SIPA1L1: variants seen among roughly 807,000 people sequenced by gnomAD.
SIPA1L1 encodes the protein signal induced proliferation associated 1 like 1, also known as signal-induced proliferation-associated 1-like protein 1.
Under a neutral mutation model 162.7 loss-of-function variants are expected in SIPA1L1, and 26 were observed. The ratio of observed to expected loss-of-function variants is 0.16; its 90% CI spans 0.12 to 0.22. SIPA1L1 has a LOEUF of 0.22. SIPA1L1 is among the 10% of genes least tolerant of loss of function. The pLI is 1.00. For missense variants in SIPA1L1, 1,874 were observed against 2,241.0 expected, an observed-to-expected ratio of 0.84 and a Z score of 3.31; for synonymous variants, 829 against 837.4, an observed-to-expected ratio of 0.99 and a Z score of 0.17.
At chr14:71,489,795 T>C (rs914692383) in intron 2 of SIPA1L1, among the ~76,000 whole-genome samples, 1 of 152,170 alleles carries the variant, frequency 6.6e-6, no homozygotes, top group Admixed American at 6.5e-5. Context: ...TTCAAAGCTG[T>C]CCTGGGCTGC....
chr14:71,518,639 G>A (rs1432178283), intron 3 of SIPA1L1, among the ~76,000 whole-genome samples: 1 of 151,862 alleles, frequency 6.6e-6, no homozygotes, highest in African/African-American at 2.4e-5. Context: ...ATTGGAATTT[G>A]TCGAGTTTTT....
Position 71,557,938 on chromosome 14 carries a change from G to A in SIPA1L1, c.-303+28568G>A, listed in dbSNP as rs146994002. ...AAAATGAATATTGCTAACTTACATC[G>A]TAGGTAATTATTAAGTGTTGGTTTG... On this transcript the variant is annotated intron_variant, in intron 4 of 23. Coordinates refer to ENST00000381232, the MANE Select transcript of SIPA1L1 (RefSeq NM_001386936.1). 2.4e-3 allele frequency among the ~76,000 whole-genome samples: 365 copies of A among 152,206 alleles called. 3 individuals are homozygous for A. The highest frequency in any genetic ancestry group is 8.4e-3 in the African/African-American group (348 of 41,536).
chr14:71,475,242 A>G (rs376007283), intron 2 of SIPA1L1, among the ~76,000 whole-genome samples: 1 of 152,204 alleles, frequency 6.6e-6, no homozygotes. Context: ...AAATATTGTA[A>G]TAAAAGCAGG....
In SIPA1L1 at chr14:71,539,757, C is replaced by T. The variant is rs866226944; in HGVS notation, c.-303+10387C>T. 1.8e-4 allele frequency among the ~76,000 whole-genome samples: 27 copies of T among 152,260 alleles called. No individual in the cohort carries two copies. In the Middle Eastern group the frequency reaches 0.01, roughly 58 times the overall value. ...ATATGTTGATTTGAAGAGCTCTTCC[C>T]ATGGAGAGATGTGTGACCTGGACTA... On this transcript the variant is annotated intron_variant, in intron 4 of 23. Transcript: ENST00000381232.
chr14:71,448,474 C>G (rs1228198091), intron 2 of SIPA1L1, among the ~76,000 whole-genome samples: 1 of 152,172 alleles, frequency 6.6e-6, no homozygotes, highest in Non-Finnish European at 1.5e-5. Flanking sequence ...GCATCTAACT[C>G]TAGCCACTGG....
At position 71,587,910 on chromosome 14, in the gene SIPA1L1, T is replaced by C; in HGVS notation, c.38T>C (p.Leu13Pro). ...AAACGGTCACAGACAGAAAGGCCTC[T>C]TGCCACTGACAGGGCCTCTGTTGTT... ...SLKRSQTERP[L>P]ATDRASVVGT... Residue 13 changes from leucine (L) to proline (P), a missense_variant, in exon 5 of 24, where the codon CTT (leucine) becomes CCT (proline). Leu to Pro is a moderately conservative substitution (Grantham distance 98). Around this residue, in one of 5 missense-constraint regions of SIPA1L1, gnomAD observed 685 missense variants for 828.0 expected, o/e 0.83. Coordinates refer to ENST00000381232, the MANE Select transcript of SIPA1L1 (RefSeq NM_001386936.1). The C allele has an allele frequency of 6.2e-7, 1 of 1,612,278 alleles. No homozygotes were observed. Among genetic ancestry groups the C allele is most frequent in the Non-Finnish European group, 8.5e-7 (1 of 1,178,394 alleles).
At chr14:71,639,491 G>A (rs556262518) in intron 7 of SIPA1L1, among the ~76,000 whole-genome samples, 15 of 152,238 alleles carry the variant, frequency 9.9e-5, no homozygotes, top group African/African-American at 3.1e-4. Flanking sequence ...TCATGTCAGT[G>A]TTCTCCAAAC....
rs551930500 is a variant in SIPA1L1 at position 71,723,148 on chromosome 14, G to T, written c.4209-499G>T. On this transcript the variant is annotated intron_variant, in intron 17 of 23. Coordinates refer to ENST00000381232, the MANE Select transcript of SIPA1L1 (RefSeq NM_001386936.1). ...CAATAGGAATGCCAGCTGCCATGGGGAAGGAGCACTCACTGTGCCCCTTGG... is the reference window on the plus strand; with the variant it reads ...CAATAGGAATGCCAGCTGCCATGGGTAAGGAGCACTCACTGTGCCCCTTGG... Among the ~76,000 whole-genome samples the T allele has an allele frequency of 3.3e-4, 50 of 152,352 alleles. 1 individual carries two copies. The South Asian group carries it at 0.01, about 31-fold the overall frequency.
At chr14:71,333,694 A>G (rs2034795371) in intron 2 of SIPA1L1, among the ~76,000 whole-genome samples, 1 of 152,220 alleles carries the variant, frequency 6.6e-6, no homozygotes, top group African/African-American at 2.4e-5. Flanking sequence ...TCCTAGGGAT[A>G]CATCAATAAA....
At position 71,507,842 on chromosome 14, in the gene SIPA1L1, CTG is replaced by C. The variant is rs1266432850; in HGVS notation, c.-464-4897_-464-4896del. On this transcript the variant is annotated intron_variant, in intron 2 of 23. Transcript: ENST00000381232. ...CAGCCTTCTCTTACCAGCCAGAGGT[CTG>C]TGTTTTCAGCTCCTCTCTTGACTCC... 2.6e-5 allele frequency among the ~76,000 whole-genome samples: 4 copies of C among 152,148 alleles called. No individual in the cohort carries two copies. The East Asian group carries it at 7.7e-4, about 29-fold the overall frequency.
At chr14:71,485,871 C>G (rs1053892579) in intron 2 of SIPA1L1, among the ~76,000 whole-genome samples, 2 of 152,002 alleles carry the variant, frequency 1.3e-5, no homozygotes, top group African/African-American at 2.4e-5. Context: ...CACAAGGAAG[C>G]TTTTGTAAAT....
chr14:71,326,814 C>T (rs570736131), intron 2 of SIPA1L1, among the ~76,000 whole-genome samples: 10 of 144,080 alleles, frequency 6.9e-5, no homozygotes, highest in East Asian at 4.2e-4. Flanking sequence ...TGGGTTCAAG[C>T]GATTCTCCTG....
intron 2 of SIPA1L1, among the ~76,000 whole-genome samples, chr14:71,322,797 CTGAG>C (rs757668877): frequency 2.6e-5 from 4 of 152,208 alleles, no homozygotes; most frequent in Non-Finnish European, 5.9e-5. Flanking sequence ...TTCTAGTTGA[CTGAG>C]TGAACAAGTT....
At chr14:71,623,678 T>G (rs1484973855) in intron 6 of SIPA1L1, among the ~76,000 whole-genome samples, 1 of 152,216 alleles carries the variant, frequency 6.6e-6, no homozygotes, top group Non-Finnish European at 1.5e-5. Flanking sequence ...TCTTCAGACA[T>G]TGCTCTGGGG....
intron 3 of SIPA1L1, among the ~76,000 whole-genome samples, chr14:71,527,061 T>C (rs184836096): frequency 4.6e-5 from 7 of 152,338 alleles, no homozygotes; most frequent in Admixed American, 2.6e-4. Context: ...TTTTATTTCA[T>C]TGTAGTTTTA....
intron 8 of SIPA1L1, among the ~76,000 whole-genome samples, chr14:71,651,565 G>A (rs866228049): frequency 6.6e-6 from 1 of 152,252 alleles, no homozygotes. Context: ...TTAAATTTCA[G>A]TATGTCCTTA....
chr14:71,451,369 C>T (rs1457207420), intron 2 of SIPA1L1, among the ~76,000 whole-genome samples: 2 of 152,058 alleles, frequency 1.3e-5, no homozygotes, highest in South Asian at 4.1e-4. Context: ...AGGCCAGGCA[C>T]CTGCTTGTAA....
intron 2 of SIPA1L1, among the ~76,000 whole-genome samples, chr14:71,506,832 CT>C (rs898473365): frequency 9.2e-5 from 12 of 130,540 alleles, no homozygotes; most frequent in South Asian, 2.4e-4. Flanking sequence ...TTTTTTTTTC[CT>C]TTTTTTTCTT....
intron 7 of SIPA1L1, among the ~76,000 whole-genome samples, chr14:71,646,242 T>G (rs1281222387): frequency 1.3e-5 from 2 of 151,646 alleles, no homozygotes; most frequent in Admixed American, 6.6e-5. Flanking sequence ...AGTGGCGCTA[T>G]CTCGGCTCAC....
Sources: gnomAD v4.1 joint callset for allele counts (sites outside exome capture counted in the v4.1 genomes callset) on GRCh38, gnomAD v4.1.1 for gene constraint, gnomAD v4.1.1 regional missense constraint, MANE v1.5 for transcripts, NCBI Gene and HGNC (gene_info 2026-07-23, HGNC 2026-07-21) for gene names.